SAMD12: variants seen among roughly 807,000 people sequenced by gnomAD.
The protein encoded by SAMD12 is sterile alpha motif domain containing 12.
A neutral mutation model predicts 15.0 loss-of-function variants in SAMD12; 9 were observed. The observed-to-expected ratio is 0.60, with a 90% CI of 0.36 to 1.05. The LOEUF is 1.05. SAMD12 is among the 50% of genes least tolerant of loss of function. SAMD12 has a pLI of 0.01. For missense variants in SAMD12, 230 were observed against 234.2 expected (o/e 0.98, Z 0.12); for synonymous variants, 86 against 90.1 (o/e 0.96, Z 0.25).
chr8:118,516,632 T>G (rs1040543384), intron 2 of SAMD12, among the ~76,000 whole-genome samples: 4 of 126,658 alleles, frequency 3.2e-5, no homozygotes, highest in Non-Finnish European at 6.9e-5. Flanking sequence ...ATATTTTTCT[T>G]TCTTTCTTTT....
At chr8:118,390,529 C>T (rs1036236557) in intron 3 of SAMD12, among the ~76,000 whole-genome samples, 1 of 152,164 alleles carries the variant, frequency 6.6e-6, no homozygotes, top group Non-Finnish European at 1.5e-5. Context: ...GCAAATCCAG[C>T]TTAAGTGACC....
At chr8:118,415,976 T>C (rs1349608995) in intron 3 of SAMD12, among the ~76,000 whole-genome samples, 2 of 152,180 alleles carry the variant, frequency 1.3e-5, no homozygotes, top group Non-Finnish European at 2.9e-5. Context: ...TTCTCATTTA[T>C]CTAGCGTGGC....
At chr8:118,534,754 A>G (rs866532869) in intron 2 of SAMD12, among the ~76,000 whole-genome samples, 13 of 152,234 alleles carry the variant, frequency 8.5e-5, no homozygotes, top group African/African-American at 3.1e-4. Flanking sequence ...AAGCTTGTGC[A>G]TGCACCATGT....
At chr8:118,419,383 T>C (rs1196376910) in intron 3 of SAMD12, among the ~76,000 whole-genome samples, 1 of 152,226 alleles carries the variant, frequency 6.6e-6, no homozygotes, top group Non-Finnish European at 1.5e-5. Context: ...AAAATGTGTG[T>C]GAAATATCAC....
At chr8:118,550,791 A>G (rs998965216) in intron 2 of SAMD12, among the ~76,000 whole-genome samples, 57 of 151,694 alleles carry the variant, frequency 3.8e-4, no homozygotes, top group African/African-American at 1.2e-3. Flanking sequence ...CCCATCTCAC[A>G]TGCAGAGACA....
At chr8:118,295,753 A>T (rs892656360) in intron 4 of SAMD12, 2 of 151,498 alleles carry the variant, frequency 1.3e-5, no homozygotes. Context: ...GGGCTCAAGC[A>T]ATCCTCCCAT....
In SAMD12 at chr8:118,296,553, C is replaced by T. The variant is rs543523548; in HGVS notation, c.433+83007G>A. 3.3e-5 allele frequency among the ~76,000 whole-genome samples: 5 copies of T among 152,342 alleles called. 1 individual carries two copies. The South Asian group carries it at 1.0e-3, about 32-fold the overall frequency. On this transcript the variant is annotated intron_variant, in intron 4 of 4. Transcript: ENST00000409003. The stretch of plus-strand genomic sequence containing the variant: ...CCGAAGGCACAGCCTGCATGTGTTA[C>T]ACTCTTCACATATCTCCAGCACTTG...
intron 2 of SAMD12, among the ~76,000 whole-genome samples, chr8:118,449,062 CTTT>C (rs10717740): frequency 2.0e-4 from 25 of 126,760 alleles, no homozygotes; most frequent in Admixed American, 2.4e-4. Context: ...CACAGGCAGT[CTTT>C]TTTTTTTTTT....
At chr8:118,582,660 C>G (rs1243345360) in intron 1 of SAMD12, among the ~76,000 whole-genome samples, 1 of 152,080 alleles carries the variant, frequency 6.6e-6, no homozygotes, top group Non-Finnish European at 1.5e-5. Context: ...ATGTTCATTT[C>G]ACAGATAAGG....
chr8:118,506,473 A>C (rs375515244), intron 2 of SAMD12, among the ~76,000 whole-genome samples: 1 of 152,000 alleles, frequency 6.6e-6, no homozygotes, highest in Non-Finnish European at 1.5e-5. Context: ...CTAATTCCCA[A>C]TTTTCCACGG....
chr8:118,308,628 G>A (rs911774427), intron 4 of SAMD12, among the ~76,000 whole-genome samples: 1 of 152,052 alleles, frequency 6.6e-6, no homozygotes, highest in African/African-American at 2.4e-5. Flanking sequence ...AAATAAAGAT[G>A]TCGAAAAGTC....
At chr8:118,148,993 T>C in the SAMD12 span, among the ~76,000 whole-genome samples, 1 of 152,242 alleles carries the variant, frequency 6.6e-6, no homozygotes, top group Non-Finnish European at 1.5e-5. Context: ...GCTATAAACA[T>C]TGCATGCAAA....
chr8:118,373,438 C>T (rs557655660), downstream of SAMD12, among the ~76,000 whole-genome samples: 6 of 152,180 alleles, frequency 3.9e-5, no homozygotes, highest in African/African-American at 4.8e-5. Context: ...AGTATCATTG[C>T]GGAGGTGACT....
At chr8:118,267,963 G>A (rs572209475) in intron 4 of SAMD12, among the ~76,000 whole-genome samples, 1 of 152,170 alleles carries the variant, frequency 6.6e-6, no homozygotes, top group African/African-American at 2.4e-5. Flanking sequence ...ATGGTGGCAG[G>A]TGCCTGTAAT....
At chr8:118,394,783 A>T (rs1820468671) in intron 3 of SAMD12, 1 of 152,182 alleles carries the variant, frequency 6.6e-6, no homozygotes, top group Non-Finnish European at 1.5e-5. Context: ...CTTTTATCCC[A>T]GAGATTATAG....
intron 2 of SAMD12, among the ~76,000 whole-genome samples, chr8:118,563,623 A>G (rs1412745392): frequency 6.6e-6 from 1 of 152,226 alleles, no homozygotes; most frequent in Non-Finnish European, 1.5e-5. Flanking sequence ...GTACTGAATA[A>G]AGTCCCAAGA....
chr8:118,484,785 GA>G (rs1166682426), intron 2 of SAMD12, among the ~76,000 whole-genome samples: 1 of 151,724 alleles, frequency 6.6e-6, no homozygotes, highest in Non-Finnish European at 1.5e-5. Flanking sequence ...AAGATGGCCA[GA>G]AAAAAAACAG....
At chr8:118,152,204 A>G in the SAMD12 span, among the ~76,000 whole-genome samples, 2 of 152,216 alleles carry the variant, frequency 1.3e-5, no homozygotes, top group Non-Finnish European at 2.9e-5. Flanking sequence ...AAGAAAGGCC[A>G]AAGTTCTACT....
chr8:118,508,888 C>T (rs964190540), intron 2 of SAMD12, among the ~76,000 whole-genome samples: 38 of 152,012 alleles, frequency 2.5e-4, no homozygotes, highest in African/African-American at 9.2e-4. Context: ...AAAAATGGAA[C>T]TTTAATGTTA....
Sources: allele counts gnomAD v4.1 joint callset (sites outside exome capture counted in the v4.1 genomes callset), GRCh38; gene constraint gnomAD v4.1.1; transcripts MANE v1.5; gene names NCBI Gene and HGNC (gene_info 2026-07-23, HGNC 2026-07-21).